Variants in EIF2B3 observed in about 807,000 individuals in gnomAD.
EIF2B3 encodes the protein eukaryotic translation initiation factor 2B subunit gamma.
A neutral mutation model predicts 54.1 loss-of-function variants in EIF2B3; 20 were observed. The observed-to-expected ratio is 0.37, with a 90% CI of 0.26 to 0.54. The LOEUF (loss-of-function observed/expected upper bound fraction) is 0.54, where lower values mean the gene tolerates loss of function less well. Ranked by LOEUF, EIF2B3 falls within the 20% of genes least tolerant of loss-of-function variation. EIF2B3 has a pLI of 0.86. For missense variants in EIF2B3, 448 were observed against 547.8 expected (o/e 0.82, Z 1.82); for synonymous variants, 153 against 188.1 (o/e 0.81, Z 1.52).
chr1:44,853,775 A>G (rs1175658764), intron 11 of EIF2B3, among the ~76,000 whole-genome samples: 1 of 152,114 alleles, frequency 6.6e-6, no homozygotes, highest in Non-Finnish European at 1.5e-5. Flanking sequence ...GATAGAAGGG[A>G]AAAACATCAC....
intron 3 of EIF2B3, among the ~76,000 whole-genome samples, chr1:44,947,467 G>T (rs1444877997): frequency 6.6e-6 from 1 of 152,128 alleles, no homozygotes; most frequent in African/African-American, 2.4e-5. Context: ...GGGAAAAAAG[G>T]TTAAATCAGA....
chr1:44,916,626 G>A (rs1346831739), intron 5 of EIF2B3, among the ~76,000 whole-genome samples: 1 of 149,924 alleles, frequency 6.7e-6, no homozygotes, highest in Non-Finnish European at 1.5e-5. Context: ...TTTGAGACCA[G>A]CCTGGGCAAT....
At chr1:44,953,025 C>T (rs753859776) in intron 3 of EIF2B3, among the ~76,000 whole-genome samples, 21 of 151,954 alleles carry the variant, frequency 1.4e-4, no homozygotes, top group Non-Finnish European at 2.9e-4. Flanking sequence ...GTTGTTGAAT[C>T]GAATAATTGA....
intron 10 of EIF2B3, among the ~76,000 whole-genome samples, chr1:44,858,133 G>A (rs1023220947): frequency 1.4e-5 from 2 of 146,334 alleles, no homozygotes; most frequent in African/African-American, 5.1e-5. Flanking sequence ...GTGCAGTGGT[G>A]TGATCATAGC....
chr1:44,961,528 T>C (rs1346744021), intron 3 of EIF2B3, among the ~76,000 whole-genome samples: 3 of 151,920 alleles, frequency 2.0e-5, no homozygotes, highest in Non-Finnish European at 4.4e-5. Flanking sequence ...AATAATTTTT[T>C]AAATTAGGCA....
At chr1:44,853,846 C>G (rs900864435) in intron 11 of EIF2B3, among the ~76,000 whole-genome samples, 1 of 152,104 alleles carries the variant, frequency 6.6e-6, no homozygotes, top group African/African-American at 2.4e-5. Context: ...AGGATTTGAC[C>G]TGTGTCAAGT....
At chr1:44,984,933 A>C (rs538539057) in intron 1 of EIF2B3, among the ~76,000 whole-genome samples, 1 of 148,488 alleles carries the variant, frequency 6.7e-6, no homozygotes, top group Non-Finnish European at 1.5e-5. Context: ...CAGCCTCCCG[A>C]GTAGCTGGGA....
At chr1:44,955,936 T>C (rs1405078787) in intron 3 of EIF2B3, among the ~76,000 whole-genome samples, 1 of 152,164 alleles carries the variant, frequency 6.6e-6, no homozygotes, top group Admixed American at 6.5e-5. Flanking sequence ...AGTTCAACCA[T>C]TGTGGAAGAC....
chr1:44,938,496 C>G (rs891306632), intron 4 of EIF2B3, among the ~76,000 whole-genome samples: 1 of 144,382 alleles, frequency 6.9e-6, no homozygotes, highest in African/African-American at 2.5e-5. Context: ...CTCTCTCTCT[C>G]TCTCTGTTTT....
chr1:44,896,082 T>C (rs1478276461), intron 6 of EIF2B3, among the ~76,000 whole-genome samples: 1 of 152,202 alleles, frequency 6.6e-6, no homozygotes, highest in Non-Finnish European at 1.5e-5. Flanking sequence ...GGTCTCCACA[T>C]TCCACCATGA....
At chr1:44,930,642 T>A (rs570549038) in intron 4 of EIF2B3, among the ~76,000 whole-genome samples, 42 of 152,214 alleles carry the variant, frequency 2.8e-4, no homozygotes, top group Admixed American at 1.5e-3. Context: ...CCCTATATAT[T>A]TTTTTTCTTT....
chr1:44,926,784 C>T, intron 4 of EIF2B3, 45 bp from the exon 5 acceptor site: 3 of 1,525,676 alleles, frequency 2.0e-6, no homozygotes, highest in Non-Finnish European at 2.7e-6. Flanking sequence ...AGCCATTTGC[C>T]CTGCCTGTAT....
intron 9 of EIF2B3, 141 bp downstream of exon 9, chr1:44,875,477 G>C: frequency 1.3e-6 from 1 of 798,008 alleles, no homozygotes; most frequent in Non-Finnish European, 2.2e-6. Flanking sequence ...TGTTGAGTGA[G>C]ATTTTATTCT....
intron 10 of EIF2B3, among the ~76,000 whole-genome samples, chr1:44,864,026 T>C (rs1366817919): frequency 1.3e-5 from 2 of 152,172 alleles, no homozygotes; most frequent in Non-Finnish European, 2.9e-5. Context: ...CTATATAAGA[T>C]TTTGTGGTGA....
At chr1:44,898,483 G>T (rs1279194741) in intron 5 of EIF2B3, among the ~76,000 whole-genome samples, 1 of 152,044 alleles carries the variant, frequency 6.6e-6, no homozygotes, top group Non-Finnish European at 1.5e-5. Flanking sequence ...ACAAATAAAT[G>T]AATAAATGAG....
Position 44,981,942 on chromosome 1 carries a change from CA to C in EIF2B3, c.-9-766del, listed in dbSNP as rs35864275. Among the ~76,000 whole-genome samples the C allele has an allele frequency of 9.0e-3, 709 of 78,976 alleles. 4 individuals are homozygous for C. The highest frequency in any genetic ancestry group is 0.023 in the African/African-American group (529 of 22,790). The allele number at this position is 78,976 out of a possible 152,430, so 51.8% of individuals were successfully genotyped here. A position where few individuals can be genotyped will look rare whatever the true frequency, so the allele number is the denominator to read the frequency against. ...TGTGTGACAGAGTGAGATCCTGTCT[CA>C]AAAAAAAAAAAAAAAAAAGAGAGAA... On this transcript the variant is annotated intron_variant, in intron 1 of 11. Transcript: ENST00000360403.
intron 3 of EIF2B3, among the ~76,000 whole-genome samples, chr1:44,951,173 C>G (rs1644156567): frequency 6.6e-6 from 1 of 152,046 alleles, no homozygotes. Context: ...CTTGGCATTA[C>G]CAAAAATTGC....
At chr1:44,961,260 T>A (rs991186780) in intron 3 of EIF2B3, among the ~76,000 whole-genome samples, 1 of 143,278 alleles carries the variant, frequency 7.0e-6, no homozygotes, top group East Asian at 2.0e-4. Flanking sequence ...GAGGCTGCAG[T>A]GAGCCATGAT....
chr1:44,934,095 C>G (rs1643921307), intron 4 of EIF2B3, among the ~76,000 whole-genome samples: 1 of 151,456 alleles, frequency 6.6e-6, no homozygotes, highest in Non-Finnish European at 1.5e-5. Flanking sequence ...GCACTCCAAC[C>G]TGGGCAACAA....
Sources: allele counts gnomAD v4.1 joint callset (sites outside exome capture counted in the v4.1 genomes callset), GRCh38; gene constraint gnomAD v4.1.1; transcripts MANE v1.5; gene names NCBI Gene and HGNC (gene_info 2026-07-23, HGNC 2026-07-21).